The following DOCK1 variants were observed in gnomAD, a reference collection of about 807,000 sequenced individuals.
DOCK1 encodes dedicator of cytokinesis 1, also known as dedicator of cytokinesis protein 1.
DOCK1 carries 138 observed loss-of-function variants against 262.7 expected under a neutral mutation model. The observed-to-expected ratio is 0.53, with a 90% confidence interval of 0.46 to 0.61. DOCK1 has a LOEUF of 0.61. Ranked by LOEUF, DOCK1 falls within the 20% of genes least tolerant of loss-of-function variation. The pLI is 0.00. For synonymous variants in DOCK1, 866 were observed against 867.4 expected (o/e 1.00, Z 0.03); for missense variants, 1,908 against 2,370.7 (o/e 0.80, Z 4.05).
intron 29 of DOCK1, among the ~76,000 whole-genome samples, chr10:127,325,499 T>C (rs1412449961): frequency 6.6e-6 from 1 of 152,216 alleles, no homozygotes; most frequent in African/African-American, 2.4e-5. Context: ...GCTCAGTGTT[T>C]ACACAGCCAA....
chr10:126,942,663 A>G (rs2035111066), intron 1 of DOCK1, among the ~76,000 whole-genome samples: 2 of 152,180 alleles, frequency 1.3e-5, no homozygotes, highest in African/African-American at 4.8e-5. Flanking sequence ...GCGATGCAGC[A>G]GAGTTCCATT....
intron 27 of DOCK1, among the ~76,000 whole-genome samples, chr10:127,239,661 T>G (rs914112298): frequency 1.7e-4 from 26 of 152,188 alleles, no homozygotes; most frequent in African/African-American, 6.3e-4. Flanking sequence ...ATAATAAGAG[T>G]TTTTTTAAGA....
Position 127,108,739 on chromosome 10 carries a change from C to A in DOCK1, c.2517-1509C>A, listed in dbSNP as rs140220778. Among the ~76,000 whole-genome samples the A allele has an allele frequency of 8.3e-3, 1,258 of 152,312 alleles. 10 individuals carry two copies. Among genetic ancestry groups the A allele is most frequent in the Non-Finnish European group, 0.015 (1,003 of 68,026 alleles). ...ATGCTGGCCTATCTTTAAGCAGCAACAATAGACGCAGCATCTATTATGTGC... is the reference window on the plus strand; with the variant it reads ...ATGCTGGCCTATCTTTAAGCAGCAAAAATAGACGCAGCATCTATTATGTGC... On this transcript the variant is annotated intron_variant, in intron 24 of 51. Coordinates refer to ENST00000623213, the MANE Select transcript of DOCK1 (RefSeq NM_001290223.2).
intron 29 of DOCK1, among the ~76,000 whole-genome samples, chr10:127,284,472 A>C (rs1246386867): frequency 6.6e-6 from 1 of 152,186 alleles, no homozygotes; most frequent in Non-Finnish European, 1.5e-5. Flanking sequence ...GATTTTTTAA[A>C]TTGCAACTAG....
chr10:127,394,095 C>T (rs1325075627), intron 38 of DOCK1, among the ~76,000 whole-genome samples: 1 of 152,078 alleles, frequency 6.6e-6, no homozygotes, highest in East Asian at 1.9e-4. Context: ...AATTACCAGG[C>T]TTCTCTGTGG....
At chr10:127,210,544 GT>G (rs1426444121) in intron 27 of DOCK1, among the ~76,000 whole-genome samples, 2 of 152,224 alleles carry the variant, frequency 1.3e-5, no homozygotes, top group East Asian at 3.8e-4. Flanking sequence ...AAGCAGAGGG[GT>G]TTCTTTTTCC....
intron 9 of DOCK1, 87 bp downstream of exon 9, chr10:126,999,522 A>G: frequency 2.7e-6 from 3 of 1,091,670 alleles, no homozygotes; most frequent in Non-Finnish European, 4.1e-6. Flanking sequence ...CTGCGACACT[A>G]GAACATGGGT....
At chr10:127,366,796 C>T (rs146366833) in intron 33 of DOCK1, among the ~76,000 whole-genome samples, 6 of 152,308 alleles carry the variant, frequency 3.9e-5, no homozygotes, top group African/African-American at 1.2e-4. Flanking sequence ...ACTCCTCTGC[C>T]ATAAGCCCAG....
chr10:127,373,061 C>G (rs1027691629), intron 33 of DOCK1, among the ~76,000 whole-genome samples: 17 of 152,114 alleles, frequency 1.1e-4, no homozygotes, highest in African/African-American at 4.1e-4. Context: ...CCTGATCAGA[C>G]ACTTGAAGAC....
intron 27 of DOCK1, among the ~76,000 whole-genome samples, chr10:127,189,208 T>C (rs993629035): frequency 5.3e-5 from 8 of 152,374 alleles, no homozygotes; most frequent in Non-Finnish European, 8.8e-5. Context: ...CTTAGACTTA[T>C]ACTTTAAAGC....
chr10:127,247,999 C>A lies in DOCK1; in HGVS notation c.2848-9C>A, dbSNP rs1429737963. The stretch of plus-strand genomic sequence containing the variant: ...TCTCATCTAATTCTATCTTTTGATT[C>A]ATTTACAGGGAAACTTCGTGGCTTG... On this transcript the variant is annotated splice_polypyrimidine_tract_variant and intron_variant, in intron 27 of 51. Coordinates refer to ENST00000623213, the MANE Select transcript of DOCK1 (RefSeq NM_001290223.2). 9 of 1,612,502 alleles carry A rather than the reference C, an allele frequency of 5.6e-6. No homozygotes were observed. In the African/African-American group the frequency reaches 6.7e-5, roughly 12 times the overall value.
In DOCK1 at chr10:127,067,843, G is replaced by A. The variant is rs1240366717; in HGVS notation, c.2445+6067G>A. 2.0e-5 allele frequency among the ~76,000 whole-genome samples: 3 copies of A among 151,438 alleles called. No homozygotes were observed. In the South Asian group the frequency reaches 6.3e-4, roughly 32 times the overall value. On this transcript the variant is annotated intron_variant, in intron 23 of 51. Coordinates refer to ENST00000623213, the MANE Select transcript of DOCK1 (RefSeq NM_001290223.2). The stretch of plus-strand genomic sequence containing the variant: ...TGCATTTCTTCCATTGTCGTGTAGA[G>A]CCCCAGGCCCCTGACGCTCAGGCAA...
At chr10:127,184,914 T>C (rs2056086558) in intron 27 of DOCK1, among the ~76,000 whole-genome samples, 1 of 152,200 alleles carries the variant, frequency 6.6e-6, no homozygotes, top group Non-Finnish European at 1.5e-5. Flanking sequence ...CTAGGCACCA[T>C]ACTGGATGCT....
intron 27 of DOCK1, among the ~76,000 whole-genome samples, chr10:127,130,163 A>G (rs1426769475): frequency 6.8e-6 from 1 of 147,068 alleles, no homozygotes; most frequent in Non-Finnish European, 1.5e-5. Flanking sequence ...GACTCACTGC[A>G]ACCTCTGTCT....
At position 127,103,743 on chromosome 10, in the gene DOCK1, C is replaced by G. The variant is rs551369391; in HGVS notation, c.2446-2488C>G. ...TATCACTGTATTGCTGTCCAGAGTT[C>G]TTGTTAACCTTATGAGGATGCCTTC... On this transcript the variant is annotated intron_variant, in intron 23 of 51. Transcript: ENST00000623213. 3.1e-4 allele frequency among the ~76,000 whole-genome samples: 47 copies of G among 152,192 alleles called. 2 individuals are homozygous for G. The South Asian group carries it at 9.0e-3, about 29-fold the overall frequency.
chr10:126,987,924 G>C (rs1318326753), intron 5 of DOCK1, among the ~76,000 whole-genome samples: 3 of 152,110 alleles, frequency 2.0e-5, no homozygotes, highest in African/African-American at 7.2e-5. Context: ...CTGGAATGCA[G>C]GATCGGGCAG....
intron 10 of DOCK1, among the ~76,000 whole-genome samples, chr10:127,003,964 CA>C (rs1158031870): frequency 1.3e-5 from 2 of 150,394 alleles, no homozygotes; most frequent in East Asian, 2.0e-4. Flanking sequence ...CCCTCCCCCC[CA>C]AAAAAAAGGC....
chr10:127,104,954 CCCCACCCAAATCTCATCTTGAATTGTAG>C (rs1171397732), intron 23 of DOCK1, among the ~76,000 whole-genome samples: 1 of 152,144 alleles, frequency 6.6e-6, no homozygotes, highest in African/African-American at 2.4e-5. Context: ...TTGGCTGTGT[CCCCACCCAAATCTCATCTTGAATTGTAG>C]CTCTGATAAT....
chr10:126,967,707 C>T (rs1334435679), intron 1 of DOCK1, among the ~76,000 whole-genome samples: 2 of 152,174 alleles, frequency 1.3e-5, no homozygotes, highest in Non-Finnish European at 2.9e-5. Context: ...CTTTGACCTC[C>T]TCTGCTTCTG....
Sources: allele counts gnomAD v4.1 joint callset (sites outside exome capture counted in the v4.1 genomes callset), GRCh38; gene constraint gnomAD v4.1.1; transcripts MANE v1.5; gene names NCBI Gene and HGNC (gene_info 2026-07-23, HGNC 2026-07-21).